Variants in BMP8B observed in about 807,000 individuals in gnomAD.
BMP8B encodes the protein bone morphogenetic protein 8 (osteogenic protein 2).
A neutral mutation model predicts 30.3 loss-of-function variants in BMP8B; 17 were observed. That is an observed-to-expected ratio of 0.56 (90% CI 0.38 to 0.84). BMP8B has a LOEUF of 0.84. Among genes scored for constraint, BMP8B ranks in the 40% least tolerant of loss-of-function variants. BMP8B has a pLI of 0.00. For missense variants in BMP8B, 253 were observed against 494.6 expected (o/e 0.51, Z 4.63); for synonymous variants, 131 against 214.7 (o/e 0.61, Z 3.41).
chr1:39,758,025 A>G lies in BMP8B; in HGVS notation c.*2394T>C, dbSNP rs948622661. On this transcript the variant is annotated 3_prime_UTR_variant, in exon 7 of 7. Coordinates refer to ENST00000372827, the MANE Select transcript of BMP8B (RefSeq NM_001720.5). ...TTGATTAATGGGTAAGGTGTACTCCATATCTACAAACCTTCAGGTAGTTTA... is the reference window on the plus strand; with the variant it reads ...TTGATTAATGGGTAAGGTGTACTCCGTATCTACAAACCTTCAGGTAGTTTA... 1 of 152,204 alleles carries G rather than the reference A, an allele frequency of 6.6e-6. No homozygotes were observed. Among genetic ancestry groups the G allele is most frequent in the Non-Finnish European group, 1.5e-5 (1 of 68,042 alleles). The allele number at this position is 152,204 out of a possible 1,614,324, so 9.4% of individuals were successfully genotyped here.
chr1:39,788,399 G>A lies in BMP8B; in HGVS notation c.87C>T (p.Pro29=), dbSNP rs1651158840. ...GGGGPGLRPP[P]GCPQRRLGAR... ...CGCCCAGACGTCGCTGGGGACAGCC[G>A]GGCGGGGGTCGCAGGCCGGGGCCGC... The change falls in exon 1 of 7, where the codon CCC becomes CCT. Residue 29 remains proline (P), a synonymous_variant. Transcript: ENST00000372827. The surrounding 1 kb of genome is among the most constrained non-coding windows in gnomAD (Gnocchi z 5.8). 1.8e-6 allele frequency: 2 copies of A among 1,084,174 alleles called. No homozygotes were observed. The highest frequency in any genetic ancestry group is 1.1e-6 in the Non-Finnish European group (1 of 895,372). The allele number at this position is 1,084,174 out of a possible 1,614,324, so 67.2% of individuals were successfully genotyped here. A position where few individuals can be genotyped will look rare whatever the true frequency, so the allele number is the denominator to read the frequency against.
intron 1 of BMP8B, among the ~76,000 whole-genome samples, 170 bp downstream of exon 1, chr1:39,787,982 C>T (rs1379672057): frequency 6.6e-6 from 1 of 152,172 alleles, no homozygotes; most frequent in Non-Finnish European, 1.5e-5. Context: ...GCCCAGGGGG[C>T]CCCCATGACC....
intron 1 of BMP8B, among the ~76,000 whole-genome samples, chr1:39,775,440 C>T (rs548610385): frequency 1.3e-5 from 2 of 152,334 alleles, no homozygotes; most frequent in African/African-American, 4.8e-5. Context: ...AGGGCCCCAG[C>T]CCTGCAGGGA....
At chr1:39,776,604 T>C (rs1240812962) in intron 1 of BMP8B, among the ~76,000 whole-genome samples, 3 of 152,144 alleles carry the variant, frequency 2.0e-5, no homozygotes, top group Non-Finnish European at 2.9e-5. Flanking sequence ...GCCAGACGTG[T>C]GTGGGCAGGA....
chr1:39,768,640 C>T (rs1215275053), intron 3 of BMP8B, among the ~76,000 whole-genome samples: 2 of 149,468 alleles, frequency 1.3e-5, no homozygotes, highest in Admixed American at 6.6e-5. Context: ...TCACCTGAGG[C>T]CCAGAGTTTG....
Position 39,788,118 on chromosome 1 carries a change from C to T in BMP8B, c.334+34G>A. On this transcript the variant is annotated intron_variant, in intron 1 of 6. Coordinates refer to ENST00000372827, the MANE Select transcript of BMP8B (RefSeq NM_001720.5). This position sits in a 1 kb window ranked among gnomAD's most constrained non-coding sequence, Gnocchi z 5.8. Reference sequence around the variant, plus strand: ...GCGCCCCTCCCCTGCAGCCAGCTTACTCCGAGGGTCCCCGCGCGGGCGGCC... The same window carrying T: ...GCGCCCCTCCCCTGCAGCCAGCTTATTCCGAGGGTCCCCGCGCGGGCGGCC... 6.5e-7 allele frequency: 1 copy of T among 1,530,862 alleles called. No individual in the cohort carries two copies. Among genetic ancestry groups the T allele is most frequent in the Non-Finnish European group, 8.7e-7 (1 of 1,151,616 alleles). 94.8% of individuals were successfully genotyped at this position (1,530,862 alleles called of 1,614,324 possible). A position where few individuals can be genotyped will look rare whatever the true frequency, so the allele number is the denominator to read the frequency against.
intron 3 of BMP8B, among the ~76,000 whole-genome samples, chr1:39,768,026 G>A (rs1649721450): frequency 6.6e-6 from 1 of 150,922 alleles, no homozygotes; most frequent in African/African-American, 2.4e-5. Flanking sequence ...CTACACTTAT[G>A]CAGTGCATGC....
Position 39,788,601 on chromosome 1 carries a change from G to T in BMP8B, c.-116C>A. 1 of 906,142 alleles carries T rather than the reference G, an allele frequency of 1.1e-6. No homozygotes were observed. The highest frequency in any genetic ancestry group is 4.9e-5 in the South Asian group (1 of 20,436). The allele number at this position is 906,142 out of a possible 1,614,324, so 56.1% of individuals were successfully genotyped here. On this transcript the variant is annotated 5_prime_UTR_variant, in exon 1 of 7. Coordinates refer to ENST00000372827, the MANE Select transcript of BMP8B (RefSeq NM_001720.5). The surrounding 1 kb of genome is among the most constrained non-coding windows in gnomAD (Gnocchi z 5.8). ...AGGCTGGGCTCGGCGGGCGGCGGGCGGCGGGGCGGGGCGGGACGGGCGGCG... is the reference window on the plus strand; with the variant it reads ...AGGCTGGGCTCGGCGGGCGGCGGGCTGCGGGGCGGGGCGGGACGGGCGGCG...
Position 39,763,386 on chromosome 1 carries a change from C to CCCCTCCCCAGCCGGCCCTCCCCAG in BMP8B, c.949-185_949-184insCTGGGGAGGGCCGGCTGGGGAGGG, listed in dbSNP as rs751592521. On this transcript the variant is annotated intron_variant, in intron 5 of 6. Transcript: ENST00000372827. Reference sequence around the variant, plus strand: ...CATCCCCCATATCTTCACTTTGCGTCCCCTCCCCAGCCGGCCCTCCCCTGC... The same window carrying CCCCTCCCCAGCCGGCCCTCCCCAG: ...CATCCCCCATATCTTCACTTTGCGTCCCCTCCCCAGCCGGCCCTCCCCAGCCCTCCCCAGCCGGCCCTCCCCTGC... Among the ~76,000 whole-genome samples, 45 of 137,336 alleles carry CCCCTCCCCAGCCGGCCCTCCCCAG rather than the reference C, an allele frequency of 3.3e-4. 1 individual carries two copies. The highest frequency in any genetic ancestry group is 6.5e-4 in the Non-Finnish European group (40 of 61,510). 90.1% of individuals were successfully genotyped at this position (137,336 alleles called of 152,430 possible).
chr1:39,771,368 G>T (rs563889866), intron 3 of BMP8B: 4 of 796,682 alleles, frequency 5.0e-6, no homozygotes, highest in Admixed American at 4.0e-5. Flanking sequence ...CTCCCAGCAG[G>T]TCTCCCCGGC....
chr1:39,778,154 G>A (rs1382799694), intron 1 of BMP8B, among the ~76,000 whole-genome samples: 12 of 152,240 alleles, frequency 7.9e-5, no homozygotes, highest in Non-Finnish European at 5.9e-5. Flanking sequence ...AGGGTCTCTT[G>A]TCCCCAGGAC....
chr1:39,777,532 C>T (rs984549467), intron 1 of BMP8B, among the ~76,000 whole-genome samples: 13 of 152,248 alleles, frequency 8.5e-5, no homozygotes, highest in Admixed American at 2.0e-4. Flanking sequence ...GGCCCTGTGC[C>T]TGCCACTCCA....
chr1:39,777,855 C>G (rs865793541), intron 1 of BMP8B, among the ~76,000 whole-genome samples: 1 of 152,188 alleles, frequency 6.6e-6, no homozygotes. Context: ...TACCTGCAGA[C>G]GCCTCCCGCA....
Position 39,758,325 on chromosome 1 carries a change from G to C in BMP8B, c.*2094C>G, listed in dbSNP as rs1338886402. ...TGCTCACTGCAACCTCCACCTCCCA[G>C]GTTCAAGCAATTCTGCCTCAGCCTC... On this transcript the variant is annotated 3_prime_UTR_variant, in exon 7 of 7. Coordinates refer to ENST00000372827, the MANE Select transcript of BMP8B (RefSeq NM_001720.5). 4 of 152,232 alleles carry C rather than the reference G, an allele frequency of 2.6e-5. No individual in the cohort carries two copies. The highest frequency in any genetic ancestry group is 4.4e-5 in the Non-Finnish European group (3 of 68,084). 9.4% of individuals were successfully genotyped at this position (152,232 alleles called of 1,614,324 possible). A position where few individuals can be genotyped will look rare whatever the true frequency, so the allele number is the denominator to read the frequency against.
chr1:39,788,125 G>A lies in BMP8B; in HGVS notation c.334+27C>T. ...TCCCCTGCAGCCAGCTTACTCCGAGGGTCCCCGCGCGGGCGGCCGCACTCA... is the reference window on the plus strand; with the variant it reads ...TCCCCTGCAGCCAGCTTACTCCGAGAGTCCCCGCGCGGGCGGCCGCACTCA... On this transcript the variant is annotated intron_variant, in intron 1 of 6. Coordinates refer to ENST00000372827, the MANE Select transcript of BMP8B (RefSeq NM_001720.5). The surrounding 1 kb of genome is among the most constrained non-coding windows in gnomAD (Gnocchi z 5.8). 1 of 1,540,962 alleles carries A rather than the reference G, an allele frequency of 6.5e-7. No homozygotes were observed. Among genetic ancestry groups the A allele is most frequent in the Non-Finnish European group, 8.6e-7 (1 of 1,157,000 alleles).
chr1:39,788,349 C>G lies in BMP8B; in HGVS notation c.137G>C (p.Arg46Pro). 1 of 1,179,940 alleles carries G rather than the reference C, an allele frequency of 8.5e-7. No homozygotes were observed. The highest frequency in any genetic ancestry group is 1.0e-6 in the Non-Finnish European group (1 of 957,946). The allele number at this position is 1,179,940 out of a possible 1,614,324, so 73.1% of individuals were successfully genotyped here. The change falls in exon 1 of 7, where the codon CGC (arginine) becomes CCC (proline). Residue 46 changes from arginine (R) to proline (P), a missense_variant. Around this residue, in one of 7 missense-constraint regions of BMP8B, gnomAD observed 54 missense variants for 70.8 expected, o/e 0.76. Coordinates refer to ENST00000372827, the MANE Select transcript of BMP8B (RefSeq NM_001720.5). This position sits in a 1 kb window ranked among gnomAD's most constrained non-coding sequence, Gnocchi z 5.8. The stretch of plus-strand genomic sequence containing the variant: ...CAGCCCGAGCACCGCCAGGATCTCG[C>G]GCTGCACGTCCCGGCGCTCGCGCGC... ...LGARERRDVQ[R>P]EILAVLGLPG... is the part of the protein sequence containing the mutation.
intron 1 of BMP8B, among the ~76,000 whole-genome samples, chr1:39,776,400 C>A (rs1650234773): frequency 6.6e-6 from 1 of 152,254 alleles, no homozygotes; most frequent in Admixed American, 6.5e-5. Flanking sequence ...AAACCCAGCA[C>A]TGAGATTTCA....
intron 6 of BMP8B, 138 bp from the exon 7 acceptor site, chr1:39,760,706 T>C: frequency 2.5e-6 from 3 of 1,189,848 alleles, no homozygotes; most frequent in Non-Finnish European, 3.4e-6. Flanking sequence ...TAATAATAAC[T>C]ATTAACAGGA....
chr1:39,778,749 T>C (rs983549352), intron 1 of BMP8B, among the ~76,000 whole-genome samples: 1 of 152,184 alleles, frequency 6.6e-6, no homozygotes, highest in African/African-American at 2.4e-5. Flanking sequence ...AAAGACGCAA[T>C]TCCTCCAGTG....
Sources: gnomAD v4.1 joint callset for allele counts (sites outside exome capture counted in the v4.1 genomes callset) on GRCh38, gnomAD v4.1.1 for gene constraint, gnomAD v4.1.1 regional missense constraint, Gnocchi (gnomAD v3.1) non-coding constraint, MANE v1.5 for transcripts, NCBI Gene and HGNC (gene_info 2026-07-23, HGNC 2026-07-21) for gene names.